ARHGEF7: variants seen among roughly 807,000 people sequenced by gnomAD.
The protein encoded by ARHGEF7 is Rho guanine nucleotide exchange factor 7, also known as PAK-interacting exchange factor beta.
ARHGEF7 carries 33 observed loss-of-function variants against 109.8 expected under a neutral mutation model. That is an observed-to-expected ratio of 0.30 (90% CI 0.23 to 0.40). ARHGEF7 has a LOEUF of 0.40. ARHGEF7 is among the 10% of genes least tolerant of loss of function. The pLI is 1.00. For synonymous variants in ARHGEF7, 458 were observed against 424.6 expected (o/e 1.08, Z -0.97); for missense variants, 938 against 1,098.5 (o/e 0.85, Z 2.07).
At chr13:111,200,170 G>A (rs2081048708) in intron 2 of ARHGEF7, among the ~76,000 whole-genome samples, 1 of 151,974 alleles carries the variant, frequency 6.6e-6, no homozygotes, top group South Asian at 2.1e-4. Flanking sequence ...GTCCTTACCA[G>A]CCTTGGGCTG....
intron 8 of ARHGEF7, among the ~76,000 whole-genome samples, chr13:111,246,918 A>C (rs996931842): frequency 1.3e-5 from 2 of 152,214 alleles, no homozygotes; most frequent in Admixed American, 6.5e-5. Context: ...TCCTCACATT[A>C]CTCGTTAAAA....
chr13:111,291,840 C>CT (rs550898080), intron 18 of ARHGEF7, among the ~76,000 whole-genome samples: 1 of 151,926 alleles, frequency 6.6e-6, no homozygotes, highest in Non-Finnish European at 1.5e-5. Context: ...AGAGCAATAT[C>CT]TTTTTTTAAA....
intron 2 of ARHGEF7, among the ~76,000 whole-genome samples, chr13:111,180,638 G>A (rs573280405): frequency 3.3e-5 from 5 of 152,174 alleles, no homozygotes; most frequent in Admixed American, 6.5e-5. Context: ...AAGATGCCCA[G>A]TGTCTAACAT....
At chr13:111,275,465 C>A in intron 11 of ARHGEF7, 67 bp from the exon 12 acceptor site, 1 of 1,540,796 alleles carries the variant, frequency 6.5e-7, no homozygotes, top group Non-Finnish European at 8.9e-7. Flanking sequence ...TGATACAAAG[C>A]AATGTGGCCG....
intron 2 of ARHGEF7, among the ~76,000 whole-genome samples, chr13:111,159,991 T>C (rs1284007019): frequency 6.6e-6 from 1 of 152,226 alleles, no homozygotes; most frequent in Non-Finnish European, 1.5e-5. Flanking sequence ...TCTCAGGTCT[T>C]ACATTTAAGT....
chr13:111,226,856 C>G (rs922593339), intron 5 of ARHGEF7, among the ~76,000 whole-genome samples: 3 of 152,160 alleles, frequency 2.0e-5, no homozygotes, highest in Non-Finnish European at 2.9e-5. Context: ...AAAGGATTTA[C>G]CCCTTTAGAT....
At chr13:111,138,049 C>G (rs1180905673) in intron 1 of ARHGEF7, among the ~76,000 whole-genome samples, 1 of 152,154 alleles carries the variant, frequency 6.6e-6, no homozygotes, top group African/African-American at 2.4e-5. Flanking sequence ...CACGGTGGCT[C>G]ACGCCTGTAA....
At chr13:111,140,210 C>T (rs9559997) in intron 1 of ARHGEF7, among the ~76,000 whole-genome samples, 25,790 of 152,152 alleles carry the variant, frequency 0.17, 2,407 homozygotes, top group Admixed American at 0.23. Context: ...AAGATTCAAC[C>T]GTCATCCAAA....
intron 5 of ARHGEF7, among the ~76,000 whole-genome samples, chr13:111,223,713 G>A (rs552852980): frequency 1.6e-4 from 25 of 152,116 alleles, no homozygotes; most frequent in Non-Finnish European, 3.5e-4. Flanking sequence ...CTGTAATAAC[G>A]ATCTTTCTAA....
intron 17 of ARHGEF7, among the ~76,000 whole-genome samples, chr13:111,287,424 A>G (rs1366143299): frequency 6.6e-6 from 1 of 152,226 alleles, no homozygotes; most frequent in Non-Finnish European, 1.5e-5. Flanking sequence ...ACCATCGTTC[A>G]TGGACGCGTG....
intron 1 of ARHGEF7, among the ~76,000 whole-genome samples, chr13:111,123,814 G>A (rs934048509): frequency 2.0e-5 from 3 of 151,202 alleles, no homozygotes; most frequent in Non-Finnish European, 4.4e-5. Flanking sequence ...ATTAGGAAAC[G>A]GAGCTCCAGA....
chr13:111,266,059 T>C lies in ARHGEF7; in HGVS notation c.951-1489T>C, dbSNP rs1418683587. Among the ~76,000 whole-genome samples, 1 of 152,156 alleles carries C rather than the reference T, an allele frequency of 6.6e-6. No homozygotes were observed. The highest frequency in any genetic ancestry group is 2.4e-5 in the African/African-American group (1 of 41,424). On this transcript the variant is annotated intron_variant, in intron 8 of 21. Transcript: ENST00000646102. The surrounding 1 kb of genome is among the most constrained non-coding windows in gnomAD (Gnocchi z 4.8). ...CCTTTGTGTTGGATGCTGACGTCTT[T>C]CATTTTTTTTTGCATTCCTCTGTCA... is the stretch of plus-strand genomic sequence containing the variant.
intron 1 of ARHGEF7, among the ~76,000 whole-genome samples, chr13:111,146,668 C>T (rs565106637): frequency 3.9e-5 from 6 of 152,258 alleles, no homozygotes; most frequent in African/African-American, 1.4e-4. Flanking sequence ...TTTTTTTACT[C>T]AAACTCTTTC....
chr13:111,154,256 T>A (rs2076119791), intron 2 of ARHGEF7, among the ~76,000 whole-genome samples: 1 of 151,840 alleles, frequency 6.6e-6, no homozygotes, highest in African/African-American at 2.4e-5. Context: ...TGAGGAAGAG[T>A]GGTTCTGGTC....
At chr13:111,159,157 C>T (rs1302530706) in intron 2 of ARHGEF7, 2 of 705,566 alleles carry the variant, frequency 2.8e-6, no homozygotes, top group South Asian at 1.5e-5. Flanking sequence ...TTGTGCCCTG[C>T]TTTCTCTTAG....
At chr13:111,167,427 G>A (rs973464402) in intron 2 of ARHGEF7, among the ~76,000 whole-genome samples, 4 of 152,120 alleles carry the variant, frequency 2.6e-5, no homozygotes, top group African/African-American at 9.7e-5. Flanking sequence ...TTTCTTCTTG[G>A]TCTTTACTTC....
At position 111,282,985 on chromosome 13, in the gene ARHGEF7, G is replaced by T. The variant is rs187272048; in HGVS notation, c.1726-154G>T. 142 of 1,109,796 alleles carry T rather than the reference G, an allele frequency of 1.3e-4. No homozygotes were observed. In the African/African-American group the frequency reaches 2.0e-3, roughly 16 times the overall value. The allele number at this position is 1,109,796 out of a possible 1,614,324, so 68.7% of individuals were successfully genotyped here. A position where few individuals can be genotyped will look rare whatever the true frequency, so the allele number is the denominator to read the frequency against. On this transcript the variant is annotated intron_variant, in intron 15 of 21. Coordinates refer to ENST00000646102, the MANE Select transcript of ARHGEF7 (RefSeq NM_001354046.2). ...TAGTGTTTGGCCCCAAAAACTGACT[G>T]CTGAGAGCCAGAGATACGAATGAAA...
At position 111,209,919 on chromosome 13, in the gene ARHGEF7, C is replaced by T. The variant is rs762262563; in HGVS notation, c.385C>T (p.Arg129Cys). 7.7e-5 allele frequency: 125 copies of T among 1,614,050 alleles called. No homozygotes were observed. Among genetic ancestry groups the T allele is most frequent in the South Asian group, 1.5e-4 (14 of 91,074 alleles). Reference sequence around the variant, plus strand: ...CGTGTGTGCCCGGCCCTCGTCTCACCGCATAAAGTCTTTTGACTCCCTTGG... The same window carrying T: ...CGTGTGTGCCCGGCCCTCGTCTCACTGCATAAAGTCTTTTGACTCCCTTGG... ...DSVCARPSSH[R>C]IKSFDSLGSQ... The change falls in exon 4 of 22, where the codon CGC becomes TGC. Residue 129 changes from arginine to cysteine, a missense_variant. Coordinates refer to ENST00000646102, the MANE Select transcript of ARHGEF7 (RefSeq NM_001354046.2).
chr13:111,299,663 G>A (rs140863495), intron 19 of ARHGEF7, among the ~76,000 whole-genome samples: 165 of 152,218 alleles, frequency 1.1e-3, no homozygotes, highest in African/African-American at 3.5e-3. Flanking sequence ...TTAAAATCCC[G>A]TCTTCATAAA....
Sources: allele counts gnomAD v4.1 joint callset (sites outside exome capture counted in the v4.1 genomes callset), GRCh38; gene constraint gnomAD v4.1.1; non-coding constraint Gnocchi (gnomAD v3.1); transcripts MANE v1.5; gene names NCBI Gene and HGNC (gene_info 2026-07-23, HGNC 2026-07-21).